The following SAMD4A variants were observed in gnomAD, a reference collection of about 807,000 sequenced individuals.
SAMD4A encodes the protein sterile alpha motif domain containing 4A.
SAMD4A carries 33 observed loss-of-function variants against 81.3 expected under a neutral mutation model. The ratio of observed to expected loss-of-function variants is 0.41; its 90% confidence interval spans 0.31 to 0.54. SAMD4A has a LOEUF of 0.54. Among genes scored for constraint, SAMD4A ranks in the 20% least tolerant of loss-of-function variants. The pLI is 0.37. For synonymous variants in SAMD4A, 389 were observed against 382.1 expected, an observed-to-expected ratio of 1.02 and a Z score of -0.21; for missense variants, 854 against 951.1, an observed-to-expected ratio of 0.90 and a Z score of 1.34.
intron 2 of SAMD4A, among the ~76,000 whole-genome samples, chr14:54,586,508 A>G (rs1160150541): frequency 6.6e-6 from 1 of 152,182 alleles, no homozygotes; most frequent in African/African-American, 2.4e-5. Flanking sequence ...TACCTAAGCC[A>G]ATATCTAGAA....
rs1446857563 is a variant in SAMD4A, at chr14:54,737,114, G to A, written c.806G>A (p.Gly269Glu). ...GTGCCAAACCAGCCTCTAGGACATG[G>A]ATGGATGTCTCATGAGGACTTACGA... ...MNVPNQPLGH[G>E]WMSHEDLRAR... The change falls in exon 4 of 13, where the codon GGA becomes GAA. Residue 269 changes from glycine (G) to glutamate (E), a missense_variant. Around this residue, in one of 3 missense-constraint regions of SAMD4A, gnomAD observed 387 missense variants for 405.8 expected, o/e 0.95. Transcript: ENST00000554335. The A allele has an allele frequency of 1.2e-6, 2 of 1,614,114 alleles. No homozygotes were observed.
intron 2 of SAMD4A, among the ~76,000 whole-genome samples, chr14:54,618,547 A>G (rs1190900299): frequency 6.6e-6 from 1 of 152,250 alleles, no homozygotes; most frequent in Non-Finnish European, 1.5e-5. Context: ...TTCTCTTTAA[A>G]CTTGAAAATC....
At position 54,737,213 on chromosome 14, in the gene SAMD4A, G is replaced by T; in HGVS notation, c.905G>T (p.Ser302Ile). The T allele has an allele frequency of 1.2e-6, 2 of 1,614,162 alleles. No individual in the cohort carries two copies. Among genetic ancestry groups the T allele is most frequent in the Non-Finnish European group, 1.7e-6 (2 of 1,180,040 alleles). ...CAAAGCAGTGTAGCCTCTTCAGGAA[G>T]TGGTGGGAGTGAACACTTAGAAGAT... ...SPQSSVASSG[S>I]GGSEHLEDQT... The change falls in exon 4 of 13, where the codon AGT (serine) becomes ATT (isoleucine). Residue 302 changes from serine to isoleucine, a missense_variant. Transcript: ENST00000554335.
intron 5 of SAMD4A, among the ~76,000 whole-genome samples, chr14:54,749,506 T>C (rs914365964): frequency 1.3e-5 from 2 of 152,200 alleles, no homozygotes; most frequent in African/African-American, 4.8e-5. Context: ...ATACAAAATA[T>C]TTTTTTCTTC....
chr14:54,659,704 G>T (rs2035597159), intron 2 of SAMD4A, among the ~76,000 whole-genome samples: 1 of 152,168 alleles, frequency 6.6e-6, no homozygotes, highest in Admixed American at 6.5e-5. Context: ...ACCTAAAAAT[G>T]AGGGGGAAGA....
At chr14:54,567,009 C>T, upstream of SAMD4A, 1 of 153,208 alleles carries the variant, frequency 6.5e-6, no homozygotes, top group East Asian at 1.9e-4. Flanking sequence ...GGAGCTGCAG[C>T]CGCTCGGCTG....
chr14:54,577,339 C>T (rs1314487772), intron 2 of SAMD4A, among the ~76,000 whole-genome samples: 1 of 152,216 alleles, frequency 6.6e-6, no homozygotes, highest in African/African-American at 2.4e-5. Context: ...CAGGTTATAC[C>T]TGTGTGAAGC....
chr14:54,771,765 G>C (rs764427167), intron 9 of SAMD4A, among the ~76,000 whole-genome samples: 31 of 152,174 alleles, frequency 2.0e-4, no homozygotes, highest in Non-Finnish European at 2.1e-4. Context: ...GAGGAAGAAG[G>C]CATTCGGAGG....
intron 2 of SAMD4A, among the ~76,000 whole-genome samples, chr14:54,663,709 TG>T (rs1409153035): frequency 6.6e-6 from 1 of 152,206 alleles, no homozygotes; most frequent in African/African-American, 2.4e-5. Flanking sequence ...CCTACATTAT[TG>T]GAATAGATAA....
chr14:54,760,119 A>G (rs2038352518), intron 6 of SAMD4A, 42 bp from the exon 7 acceptor site: 5 of 1,590,424 alleles, frequency 3.1e-6, no homozygotes, highest in Non-Finnish European at 3.4e-6. Flanking sequence ...GATGACCCTT[A>G]TTCCTGAGCC....
Position 54,737,153 on chromosome 14 carries a change from A to G in SAMD4A, c.845A>G (p.Gln282Arg), listed in dbSNP as rs774528907. The G allele has an allele frequency of 5.0e-6, 8 of 1,614,134 alleles. No individual in the cohort carries two copies. Among genetic ancestry groups the G allele is most frequent in the Non-Finnish European group, 6.8e-6 (8 of 1,180,016 alleles). ...SHEDLRARGPQCLPSDHAPLS... is the reference protein window; with the variant it reads ...SHEDLRARGPRCLPSDHAPLS... ...GAGGACTTACGAGCTAGAGGACCCCAGTGCCTCCCATCCGATCATGCCCCC... is the reference window on the plus strand; with the variant it reads ...GAGGACTTACGAGCTAGAGGACCCCGGTGCCTCCCATCCGATCATGCCCCC... Residue 282 changes from glutamine to arginine, a missense_variant, in exon 4 of 13, where the codon CAG becomes CGG. By Grantham distance (43) the Gln-to-Arg change is conservative (BLOSUM62 1). This residue lies in a region of SAMD4A where 387 missense variants were observed against 405.8 expected (regional missense o/e 0.95). Coordinates refer to ENST00000554335, the MANE Select transcript of SAMD4A (RefSeq NM_015589.6).
intron 2 of SAMD4A, among the ~76,000 whole-genome samples, chr14:54,590,332 CA>C (rs1052250975): frequency 2.6e-5 from 4 of 151,972 alleles, no homozygotes; most frequent in African/African-American, 9.7e-5. Context: ...CTACGGAAAA[CA>C]AAACAAAATT....
chr14:54,613,176 GAAGGAA>G (rs2034406417), intron 2 of SAMD4A, among the ~76,000 whole-genome samples: 1 of 151,896 alleles, frequency 6.6e-6, no homozygotes, highest in Non-Finnish European at 1.5e-5. Context: ...AAGGGAAAAG[GAAGGAA>G]GAGAAGGAAG....
intron 3 of SAMD4A, among the ~76,000 whole-genome samples, chr14:54,713,065 C>T (rs2037031153): frequency 6.6e-6 from 1 of 152,078 alleles, no homozygotes; most frequent in Admixed American, 6.5e-5. Flanking sequence ...TATAGCTGTT[C>T]TACAAACAGA....
chr14:54,645,157 A>G (rs2035260032), intron 2 of SAMD4A, among the ~76,000 whole-genome samples: 1 of 152,202 alleles, frequency 6.6e-6, no homozygotes, highest in Non-Finnish European at 1.5e-5. Flanking sequence ...ATAGGACCCA[A>G]GGACTTAAAG....
intron 2 of SAMD4A, chr14:54,694,548 C>A: frequency 1.3e-6 from 1 of 794,626 alleles, no homozygotes; most frequent in Non-Finnish European, 1.5e-6. Flanking sequence ...GGAGAGGGTG[C>A]AGTTGGAGTG....
At chr14:54,593,276 G>A (rs2033827708) in intron 2 of SAMD4A, among the ~76,000 whole-genome samples, 2 of 151,910 alleles carry the variant, frequency 1.3e-5, no homozygotes, top group Admixed American at 1.3e-4. Flanking sequence ...TTCCTTCCTG[G>A]AGAACCTAAT....
At chr14:54,709,822 C>G (rs892957113) in intron 3 of SAMD4A, among the ~76,000 whole-genome samples, 2 of 152,084 alleles carry the variant, frequency 1.3e-5, no homozygotes, top group African/African-American at 4.8e-5. Context: ...TGCTTCCTGT[C>G]TAAGGTCTGT....
At chr14:54,621,856 A>G (rs1253430523) in intron 2 of SAMD4A, among the ~76,000 whole-genome samples, 1 of 152,208 alleles carries the variant, frequency 6.6e-6, no homozygotes, top group Non-Finnish European at 1.5e-5. Flanking sequence ...AACTAGACTC[A>G]TATCTGTTAA....
Sources: allele counts gnomAD v4.1 joint callset (sites outside exome capture counted in the v4.1 genomes callset), GRCh38; gene constraint gnomAD v4.1.1; regional missense constraint gnomAD v4.1.1; transcripts MANE v1.5; gene names NCBI Gene and HGNC (gene_info 2026-07-23, HGNC 2026-07-21).